The following ITGBL1 variants were observed in gnomAD, a reference collection of about 807,000 sequenced individuals.
ITGBL1 encodes integrin subunit beta like 1, also known as integrin beta-like protein 1.
ITGBL1 carries 51 observed loss-of-function variants against 68.5 expected under a neutral mutation model. The ratio of observed to expected loss-of-function variants is 0.74; its 90% confidence interval spans 0.59 to 0.94. The LOEUF (loss-of-function observed/expected upper bound fraction) is 0.94, where lower values mean the gene tolerates loss of function less well. Ranked by LOEUF, ITGBL1 falls within the 40% of genes least tolerant of loss-of-function variation. The pLI, the probability that ITGBL1 is intolerant of heterozygous loss-of-function variation, is 0.00. For synonymous variants in ITGBL1, 209 were observed against 227.3 expected (o/e 0.92, Z 0.72); for missense variants, 649 against 647.4 (o/e 1.00, Z -0.03).
At chr13:101,571,386 A>G (rs546785055) in intron 3 of ITGBL1, among the ~76,000 whole-genome samples, 96 of 152,244 alleles carry the variant, frequency 6.3e-4, no homozygotes, top group African/African-American at 2.2e-3. Context: ...TAAGTCACTC[A>G]GACTTATTTT....
intron 2 of ITGBL1, among the ~76,000 whole-genome samples, chr13:101,479,116 G>T (rs1287503088): frequency 1.3e-5 from 2 of 151,926 alleles, no homozygotes; most frequent in Non-Finnish European, 2.9e-5. Context: ...CAGACATATA[G>T]ACTGAAGGAA....
chr13:101,647,774 A>G (rs2032610432), intron 7 of ITGBL1, among the ~76,000 whole-genome samples: 1 of 152,212 alleles, frequency 6.6e-6, no homozygotes, highest in Admixed American at 6.5e-5. Flanking sequence ...GACCTTGGAG[A>G]CAAAGGAGGT....
chr13:101,471,530 G>GTA, intron 2 of ITGBL1, among the ~76,000 whole-genome samples: 1 of 51,264 alleles, frequency 2.0e-5, no homozygotes, highest in South Asian at 6.6e-4. Flanking sequence ...GTGTGTGTAT[G>GTA]TATGTGTGTG....
intron 7 of ITGBL1, among the ~76,000 whole-genome samples, chr13:101,684,325 T>C (rs996997338): frequency 7.2e-5 from 11 of 151,958 alleles, no homozygotes; most frequent in African/African-American, 2.7e-4. Flanking sequence ...TCATAAGTAT[T>C]TTCGTTATTG....
At chr13:101,645,365 C>T (rs2032525176) in intron 7 of ITGBL1, among the ~76,000 whole-genome samples, 1 of 152,168 alleles carries the variant, frequency 6.6e-6, no homozygotes, top group South Asian at 2.1e-4. Flanking sequence ...CAGGAGCCCA[C>T]TCAGTGGCTT....
chr13:101,662,550 G>A (rs183228822), intron 7 of ITGBL1, among the ~76,000 whole-genome samples: 8 of 152,090 alleles, frequency 5.3e-5, no homozygotes, highest in Admixed American at 5.2e-4. Context: ...ACATACATTT[G>A]GTTGTTCTTA....
chr13:101,695,329 G>A (rs559904254), intron 8 of ITGBL1, among the ~76,000 whole-genome samples: 6 of 152,268 alleles, frequency 3.9e-5, no homozygotes, highest in African/African-American at 1.4e-4. Context: ...AGAAAAGAGA[G>A]TGTGTGACGT....
At chr13:101,631,659 G>A (rs2139409811) in intron 7 of ITGBL1, among the ~76,000 whole-genome samples, 1 of 152,260 alleles carries the variant, frequency 6.6e-6, no homozygotes, top group African/African-American at 2.4e-5. Flanking sequence ...AACTGTGTGT[G>A]AGAGAGGTTA....
chr13:101,555,890 G>A (rs902270770), intron 2 of ITGBL1, among the ~76,000 whole-genome samples: 7 of 152,292 alleles, frequency 4.6e-5, no homozygotes, highest in Non-Finnish European at 1.0e-4. Flanking sequence ...TGCTATATGA[G>A]AGAAGGACTC....
intron 2 of ITGBL1, among the ~76,000 whole-genome samples, chr13:101,476,080 T>C (rs9554786): frequency 0.14 from 21,676 of 152,102 alleles, 2,055 homozygotes; most frequent in East Asian, 0.43. Context: ...GTGTGTAAAA[T>C]ATTTATATTT....
chr13:101,579,834 G>A (rs113026476), intron 5 of ITGBL1, among the ~76,000 whole-genome samples: 2,139 of 152,192 alleles, frequency 0.014, 45 homozygotes, highest in African/African-American at 0.048. Context: ...TCTTAATTAT[G>A]AGTATATGGA....
intron 2 of ITGBL1, among the ~76,000 whole-genome samples, chr13:101,508,726 AT>A (rs1433691056): frequency 1.3e-5 from 2 of 152,062 alleles, no homozygotes; most frequent in Non-Finnish European, 2.9e-5. Context: ...AAATCAATTG[AT>A]TTTTTATTTG....
chr13:101,596,853 A>G (rs1479571790), intron 6 of ITGBL1, among the ~76,000 whole-genome samples: 1 of 152,198 alleles, frequency 6.6e-6, no homozygotes, highest in African/African-American at 2.4e-5. Flanking sequence ...ACTATATAAC[A>G]TTAAGGAAAA....
intron 9 of ITGBL1, chr13:101,712,248 C>G (rs1380250302): frequency 6.6e-6 from 1 of 152,136 alleles, no homozygotes; most frequent in Non-Finnish European, 1.5e-5. Context: ...AAATGCTGAC[C>G]TAGAAATGCT....
At chr13:101,646,474 T>G (rs1381483299) in intron 7 of ITGBL1, among the ~76,000 whole-genome samples, 2 of 152,158 alleles carry the variant, frequency 1.3e-5, no homozygotes. Flanking sequence ...TTTGGAAATA[T>G]GAAACTTTTT....
chr13:101,494,727 T>C (rs975011367), intron 2 of ITGBL1, among the ~76,000 whole-genome samples: 17 of 152,222 alleles, frequency 1.1e-4, no homozygotes, highest in Admixed American at 1.0e-3. Context: ...GAAGACAATA[T>C]ATGGAAATAT....
chr13:101,507,945 T>C (rs577476747), intron 2 of ITGBL1, among the ~76,000 whole-genome samples: 24 of 152,160 alleles, frequency 1.6e-4, no homozygotes, highest in Non-Finnish European at 2.8e-4. Context: ...TTGTGTATTT[T>C]TGTAGTTTTC....
chr13:101,586,525 G>T (rs150930968), intron 6 of ITGBL1, among the ~76,000 whole-genome samples: 1,746 of 152,228 alleles, frequency 0.011, 32 homozygotes, highest in African/African-American at 0.039. Context: ...AACTCAGAGA[G>T]GGAGGCATTA....
intron 8 of ITGBL1, among the ~76,000 whole-genome samples, chr13:101,699,486 T>A (rs1313179258): frequency 6.6e-6 from 1 of 152,184 alleles, no homozygotes; most frequent in African/African-American, 2.4e-5. Flanking sequence ...GTTTTCTCCA[T>A]GTTATTCTCA....
Sources: gnomAD v4.1 joint callset for allele counts (sites outside exome capture counted in the v4.1 genomes callset) on GRCh38, gnomAD v4.1.1 for gene constraint, MANE v1.5 for transcripts, NCBI Gene and HGNC (gene_info 2026-07-23, HGNC 2026-07-21) for gene names.